Variants in FBXO36 observed in about 807,000 individuals in gnomAD.
FBXO36 encodes F-box protein 36, also known as F-box only protein 36.
FBXO36 carries 18 observed loss-of-function variants against 17.0 expected under a neutral mutation model. The ratio of observed to expected loss-of-function variants is 1.06; its 90% CI spans 0.73 to 1.57. The LOEUF is 1.57. Ranked by LOEUF, FBXO36 falls within the 40% of genes most tolerant of loss-of-function variation. The probability of loss-of-function intolerance (pLI) is 0.00; values close to 1 mark genes in which losing one functional copy is unlikely to be tolerated. For missense variants in FBXO36, 229 were observed against 221.9 expected (o/e 1.03, Z -0.20); for synonymous variants, 83 against 85.3 (o/e 0.97, Z 0.15).
At chr2:229,990,521 A>G (rs1226526409) in intron 2 of FBXO36, among the ~76,000 whole-genome samples, 1 of 152,148 alleles carries the variant, frequency 6.6e-6, no homozygotes, top group Non-Finnish European at 1.5e-5. Flanking sequence ...AAATACGTTA[A>G]TATGGCAAAT....
At chr2:230,004,692 A>G (rs926413405) in intron 3 of FBXO36, among the ~76,000 whole-genome samples, 1 of 152,162 alleles carries the variant, frequency 6.6e-6, no homozygotes, top group Non-Finnish European at 1.5e-5. Context: ...CTACTTCACA[A>G]CATATTTTAG....
chr2:229,924,917 C>T (rs1420895849), intron 1 of FBXO36, among the ~76,000 whole-genome samples: 6 of 151,932 alleles, frequency 3.9e-5, no homozygotes, highest in Admixed American at 2.0e-4. Flanking sequence ...TACAGGCGCC[C>T]GCCACCACGC....
At chr2:229,961,604 G>A (rs1367045210) in intron 1 of FBXO36, among the ~76,000 whole-genome samples, 4 of 152,096 alleles carry the variant, frequency 2.6e-5, no homozygotes, top group Admixed American at 1.3e-4. Flanking sequence ...TCGATCTCCT[G>A]ACCTTGTGAT....
intron 1 of FBXO36, among the ~76,000 whole-genome samples, chr2:229,948,818 C>CTTTAT (rs1055096432): frequency 3.3e-5 from 5 of 152,030 alleles, no homozygotes; most frequent in East Asian, 1.9e-4. Flanking sequence ...CCTACTGCCT[C>CTTTAT]TTTATTTTAT....
intron 1 of FBXO36, among the ~76,000 whole-genome samples, chr2:229,932,450 T>C (rs768498548): frequency 9.3e-5 from 14 of 150,406 alleles, no homozygotes; most frequent in Non-Finnish European, 1.6e-4. Context: ...AACCCGGGAG[T>C]TGGAGGTTGC....
rs2106194719 is a variant in FBXO36 at position 229,976,272 on chromosome 2, GGAGT to G, written c.133_136del (p.Glu45IlefsTer17). 2.5e-6 allele frequency: 4 copies of G among 1,612,662 alleles called. No homozygotes were observed. Among genetic ancestry groups the G allele is most frequent in the East Asian group, 4.5e-5 (2 of 44,814 alleles). Reference sequence around the variant, plus strand: ...TTTAGATGGTGGAAGATCTCTCTAAGGAGTGAGTATCGATCAACAAAACCTGGAG... The same window carrying G: ...TTTAGATGGTGGAAGATCTCTCTAAGGAGTATCGATCAACAAAACCTGGAG... On this transcript the variant is annotated frameshift_variant, in exon 2 of 4. Coordinates refer to ENST00000283946, the MANE Select transcript of FBXO36 (RefSeq NM_174899.5). LOFTEE classifies it high-confidence loss of function.
chr2:229,973,417 T>A (rs1433086465), intron 1 of FBXO36: 6 of 152,154 alleles, frequency 3.9e-5, no homozygotes, highest in Non-Finnish European at 5.9e-5. Flanking sequence ...GTGTTCCATA[T>A]TTTTAAAAAA....
At chr2:229,971,453 C>T (rs2077179937) in intron 1 of FBXO36, among the ~76,000 whole-genome samples, 1 of 151,848 alleles carries the variant, frequency 6.6e-6, no homozygotes, top group Non-Finnish European at 1.5e-5. Flanking sequence ...AAAACTTTAT[C>T]ACATGCCTAT....
intron 2 of FBXO36, among the ~76,000 whole-genome samples, chr2:229,996,014 G>A (rs2077325138): frequency 6.6e-6 from 1 of 151,888 alleles, no homozygotes; most frequent in Admixed American, 6.6e-5. Flanking sequence ...GGTGTCTCAT[G>A]CCTGGAATCC....
chr2:229,941,463 C>A (rs1004661011), intron 1 of FBXO36, among the ~76,000 whole-genome samples: 4 of 151,442 alleles, frequency 2.6e-5, no homozygotes, highest in Non-Finnish European at 5.9e-5. Context: ...TCAAAAAAAA[C>A]AACAACAAAA....
At chr2:229,928,973 ATTTT>A (rs11440617) in intron 1 of FBXO36, among the ~76,000 whole-genome samples, 1 of 144,854 alleles carries the variant, frequency 6.9e-6, no homozygotes, top group Non-Finnish European at 1.5e-5. Context: ...TTTTCTTTTC[ATTTT>A]TTTTTTTTCT....
intron 1 of FBXO36, among the ~76,000 whole-genome samples, chr2:229,929,399 T>TA (rs905195447): frequency 8.0e-5 from 12 of 149,634 alleles, no homozygotes; most frequent in South Asian, 4.2e-4. Flanking sequence ...CCGTCTCTAC[T>TA]AAAAAAAAAT....
chr2:229,938,453 C>T (rs1287829243), intron 1 of FBXO36, among the ~76,000 whole-genome samples: 4 of 147,502 alleles, frequency 2.7e-5, no homozygotes, highest in Non-Finnish European at 4.5e-5. Context: ...TGAGCCACCG[C>T]GCCAGACCGG....
At chr2:229,938,120 A>G (rs2106159177) in intron 1 of FBXO36, among the ~76,000 whole-genome samples, 1 of 151,114 alleles carries the variant, frequency 6.6e-6, no homozygotes, top group South Asian at 2.1e-4. Context: ...GGCACCTGCT[A>G]TCATGCCCGG....
At chr2:229,945,196 C>A (rs1363780093) in intron 1 of FBXO36, 2 of 152,126 alleles carry the variant, frequency 1.3e-5, no homozygotes, top group African/African-American at 4.8e-5. Flanking sequence ...CATTCATAAC[C>A]AACACTACCC....
chr2:229,989,548 C>T (rs576848726), intron 2 of FBXO36, among the ~76,000 whole-genome samples: 6 of 152,122 alleles, frequency 3.9e-5, no homozygotes, highest in Middle Eastern at 3.4e-3. Context: ...TGAGCCACCA[C>T]GCCCGGCCAT....
At chr2:229,976,603 G>A (rs1241239249) in intron 2 of FBXO36, 1 of 287,016 alleles carries the variant, frequency 3.5e-6, no homozygotes, top group Non-Finnish European at 6.5e-6. Flanking sequence ...GGTGGATCAT[G>A]ATGTCAGGAG....
chr2:230,000,805 T>C (rs1267837872), intron 3 of FBXO36, among the ~76,000 whole-genome samples: 1 of 151,704 alleles, frequency 6.6e-6, no homozygotes, highest in African/African-American at 2.4e-5. Context: ...GGAACATGAC[T>C]CAGGGCTGCT....
At chr2:229,939,449 C>CAAA (rs1184530736) in intron 1 of FBXO36, among the ~76,000 whole-genome samples, 53 of 140,354 alleles carry the variant, frequency 3.8e-4, no homozygotes, top group African/African-American at 1.3e-3. Flanking sequence ...ACTAAAAATA[C>CAAA]AAAAAAAAAA....
Sources: gnomAD v4.1 joint callset for allele counts (sites outside exome capture counted in the v4.1 genomes callset) on GRCh38, gnomAD v4.1.1 for gene constraint, MANE v1.5 for transcripts, NCBI Gene and HGNC (gene_info 2026-07-23, HGNC 2026-07-21) for gene names.